KCNG3: variants seen among roughly 807,000 people sequenced by gnomAD.
The protein encoded by KCNG3 is potassium voltage-gated channel modifier subfamily G member 3, also known as voltage-gated potassium channel regulatory subunit KCNG3.
A neutral mutation model predicts 29.0 loss-of-function variants in KCNG3; 15 were observed. That is an observed-to-expected ratio of 0.52 (90% CI 0.35 to 0.80). The LOEUF is 0.80. KCNG3 is among the 30% of genes least tolerant of loss of function. KCNG3 has a pLI of 0.01. For synonymous variants in KCNG3, 322 were observed against 248.9 expected (o/e 1.29, Z -2.76); for missense variants, 512 against 605.7 (o/e 0.85, Z 1.62).
chr2:42,462,244 CA>C (rs1474195572), intron 1 of KCNG3, among the ~76,000 whole-genome samples: 6 of 152,154 alleles, frequency 3.9e-5, no homozygotes, highest in Admixed American at 2.6e-4. Context: ...CAAAAAAGCA[CA>C]ACAAGAGAAG....
chr2:42,446,994 G>A (rs914374041), intron 1 of KCNG3, among the ~76,000 whole-genome samples: 1 of 151,366 alleles, frequency 6.6e-6, no homozygotes, highest in Non-Finnish European at 1.5e-5. Context: ...TGAGGCAGGA[G>A]GATTGCTTGA....
At chr2:42,401,967 G>A in the KCNG3 span, among the ~76,000 whole-genome samples, 1 of 152,162 alleles carries the variant, frequency 6.6e-6, no homozygotes, top group African/African-American at 2.4e-5. Flanking sequence ...AACATGGCTG[G>A]GCTACGGGAT....
chr2:42,430,361 T>C, the KCNG3 span, among the ~76,000 whole-genome samples: 1 of 120,902 alleles, frequency 8.3e-6, no homozygotes, highest in Non-Finnish European at 1.8e-5. Flanking sequence ...CAGACTGTCT[T>C]AAAAATAAAT....
chr2:42,452,243 A>ATATATATTTTT, intron 1 of KCNG3, among the ~76,000 whole-genome samples: 11 of 95,048 alleles, frequency 1.2e-4, no homozygotes, highest in Non-Finnish European at 1.9e-4. Context: ...ATATATATAT[A>ATATATATTTTT]TTTTTTTTTT....
the KCNG3 span, among the ~76,000 whole-genome samples, chr2:42,397,406 T>C: frequency 1.3e-5 from 2 of 152,104 alleles, no homozygotes; most frequent in Non-Finnish European, 2.9e-5. Flanking sequence ...AGACACACCA[T>C]AGACAAATAA....
At chr2:42,399,560 C>A in the KCNG3 span, among the ~76,000 whole-genome samples, 1 of 152,122 alleles carries the variant, frequency 6.6e-6, no homozygotes, top group South Asian at 2.1e-4. Context: ...AGCCTTTTGA[C>A]CAGGAAACAC....
chr2:42,433,167 A>C, the KCNG3 span, among the ~76,000 whole-genome samples: 2 of 152,228 alleles, frequency 1.3e-5, no homozygotes, highest in Non-Finnish European at 1.5e-5. Context: ...GAAAGACGTA[A>C]GATACCCAGA....
intron 1 of KCNG3, among the ~76,000 whole-genome samples, chr2:42,478,194 T>C (rs78876508): frequency 0.026 from 3,932 of 152,252 alleles, 160 homozygotes; most frequent in African/African-American, 0.089. Flanking sequence ...GAGCTTTTGT[T>C]TTATGTAAAT....
the KCNG3 span, among the ~76,000 whole-genome samples, chr2:42,435,171 C>T: frequency 6.6e-6 from 1 of 151,954 alleles, no homozygotes; most frequent in Admixed American, 6.6e-5. Context: ...GGCATGGTGG[C>T]GCATGCCTGT....
chr2:42,485,136 A>T (rs1480281679), intron 1 of KCNG3, among the ~76,000 whole-genome samples: 4 of 152,142 alleles, frequency 2.6e-5, no homozygotes, highest in Non-Finnish European at 5.9e-5. Context: ...TTAATTGAGG[A>T]TTAAAATAAC....
intron 1 of KCNG3, among the ~76,000 whole-genome samples, chr2:42,490,590 A>G (rs1407509057): frequency 6.6e-6 from 1 of 152,082 alleles, no homozygotes; most frequent in Non-Finnish European, 1.5e-5. Context: ...TACACCACCA[A>G]CTTGACACCA....
chr2:42,460,437 T>C (rs1313973324), intron 1 of KCNG3, among the ~76,000 whole-genome samples: 1 of 152,154 alleles, frequency 6.6e-6, no homozygotes, highest in Admixed American at 6.6e-5. Flanking sequence ...GACTGAAAGT[T>C]TGCGACCTAG....
At chr2:42,407,486 G>A in the KCNG3 span, among the ~76,000 whole-genome samples, 4 of 152,160 alleles carry the variant, frequency 2.6e-5, no homozygotes, top group Non-Finnish European at 5.9e-5. Flanking sequence ...AGGGAGGGGC[G>A]GCCAGGGCTG....
the KCNG3 span, among the ~76,000 whole-genome samples, chr2:42,411,449 G>C: frequency 6.6e-6 from 1 of 152,144 alleles, no homozygotes; most frequent in East Asian, 1.9e-4. Context: ...GTGTCCCTCA[G>C]TGCTATTTTT....
At chr2:42,486,140 T>G (rs1673714536) in intron 1 of KCNG3, among the ~76,000 whole-genome samples, 1 of 152,200 alleles carries the variant, frequency 6.6e-6, no homozygotes, top group Non-Finnish European at 1.5e-5. Context: ...GAAAAAGAAC[T>G]GGATTCAGGC....
chr2:42,444,633 G>T lies in KCNG3; in HGVS notation c.666-54C>A. On this transcript the variant is annotated intron_variant, in intron 1 of 1. Transcript: ENST00000306078. The surrounding 1 kb of genome is among the most constrained non-coding windows in gnomAD (Gnocchi z 5.8). ...CATTTTATTTTTAAGCATTTTAATA[G>T]CTCTTAGATTTCTTCAGATAGTACT... 6.7e-7 allele frequency: 1 copy of T among 1,483,166 alleles called. No homozygotes were observed. The highest frequency in any genetic ancestry group is 9.2e-7 in the Non-Finnish European group (1 of 1,090,364). The allele number at this position is 1,483,166 out of a possible 1,614,324, so 91.9% of individuals were successfully genotyped here.
At chr2:42,465,101 A>C (rs1191752374) in intron 1 of KCNG3, among the ~76,000 whole-genome samples, 4 of 152,206 alleles carry the variant, frequency 2.6e-5, no homozygotes, top group African/African-American at 9.6e-5. Flanking sequence ...GAGATAATGC[A>C]TTACTATCCT....
At chr2:42,405,186 C>T in the KCNG3 span, among the ~76,000 whole-genome samples, 152 of 152,340 alleles carry the variant, frequency 1.0e-3, no homozygotes, top group Middle Eastern at 6.8e-3. Context: ...ATATCTAATA[C>T]GTCTGGAATC....
At chr2:42,389,984 G>A in the KCNG3 span, among the ~76,000 whole-genome samples, 2 of 152,166 alleles carry the variant, frequency 1.3e-5, no homozygotes, top group Non-Finnish European at 2.9e-5. Flanking sequence ...GTATAGGGCA[G>A]TGCCAGAGAT....
Sources: allele counts gnomAD v4.1 joint callset (sites outside exome capture counted in the v4.1 genomes callset), GRCh38; gene constraint gnomAD v4.1.1; non-coding constraint Gnocchi (gnomAD v3.1); transcripts MANE v1.5; gene names NCBI Gene and HGNC (gene_info 2026-07-23, HGNC 2026-07-21).